Variants in NUS1 observed in about 807,000 individuals in gnomAD.
The protein encoded by NUS1 is NUS1 dehydrodolichyl diphosphate synthase subunit, also known as dehydrodolichyl diphosphate synthase complex subunit NUS1.
For synonymous variants in NUS1, 135 were observed against 155.2 expected (o/e 0.87, Z 0.97); for missense variants, 292 against 382.9 (o/e 0.76, Z 1.98).
At chr6:117,702,973 T>C (rs1206785987) in intron 3 of NUS1, among the ~76,000 whole-genome samples, 2 of 152,176 alleles carry the variant, frequency 1.3e-5, no homozygotes, top group Non-Finnish European at 2.9e-5. Flanking sequence ...TCAGGTCTCA[T>C]ATGGAAACCA....
rs1773541554 is a variant in NUS1, at chr6:117,709,118, G to A, written c.*2103G>A. ...AGTCATTCCAGAACCTTCTCTTTAT[G>A]AGTTCACCTGCTAGTACAATCTCCA... On this transcript the variant is annotated 3_prime_UTR_variant, in exon 5 of 5. Transcript: ENST00000368494. The A allele has an allele frequency of 6.6e-6, 1 of 152,088 alleles. No individual in the cohort carries two copies. The highest frequency in any genetic ancestry group is 1.5e-5 in the Non-Finnish European group (1 of 67,972). The allele number at this position is 152,088 out of a possible 1,614,324, so 9.4% of individuals were successfully genotyped here.
At chr6:117,704,931 G>A (rs1240701225) in intron 4 of NUS1, among the ~76,000 whole-genome samples, 1 of 152,164 alleles carries the variant, frequency 6.6e-6, no homozygotes, top group Non-Finnish European at 1.5e-5. Flanking sequence ...TGAGTGAGAA[G>A]TCAAGGCTAA....
intron 1 of NUS1, among the ~76,000 whole-genome samples, chr6:117,686,278 C>T (rs1203387993): frequency 6.6e-6 from 1 of 151,826 alleles, no homozygotes; most frequent in African/African-American, 2.4e-5. Context: ...AAGCTCTAGT[C>T]CTAGTTTTTT....
chr6:117,694,668 T>C (rs1051101260), intron 3 of NUS1, among the ~76,000 whole-genome samples: 31 of 152,188 alleles, frequency 2.0e-4, no homozygotes, highest in Non-Finnish European at 3.4e-4. Flanking sequence ...TATAACTTTT[T>C]TTCTTCAGCT....
intron 3 of NUS1, among the ~76,000 whole-genome samples, chr6:117,699,155 A>G (rs906635600): frequency 7.3e-5 from 11 of 151,716 alleles, no homozygotes; most frequent in Non-Finnish European, 1.5e-4. Flanking sequence ...AGCTAGAGCA[A>G]TTAGACCAGA....
chr6:117,677,275 C>T (rs909316135), intron 1 of NUS1, among the ~76,000 whole-genome samples: 2 of 152,062 alleles, frequency 1.3e-5, no homozygotes, highest in African/African-American at 4.8e-5. Context: ...AGTAAAATTA[C>T]TATTGTGAGA....
chr6:117,701,978 G>T (rs1408275615), intron 3 of NUS1, among the ~76,000 whole-genome samples: 1 of 152,116 alleles, frequency 6.6e-6, no homozygotes, highest in Admixed American at 6.6e-5. Context: ...ATTGGAAACT[G>T]AATTTAAAGT....
At chr6:117,703,467 A>G (rs1773457512) in intron 3 of NUS1, 138 bp from the exon 4 acceptor site, 1 of 666,446 alleles carries the variant, frequency 1.5e-6, no homozygotes, top group Non-Finnish European at 2.7e-6. Flanking sequence ...AGACATACAG[A>G]TAAAACTTCT....
chr6:117,700,269 A>G (rs780661425), intron 3 of NUS1, among the ~76,000 whole-genome samples: 7 of 152,240 alleles, frequency 4.6e-5, no homozygotes, highest in Non-Finnish European at 1.0e-4. Flanking sequence ...ACTAGAATAC[A>G]TAAGGAGCTT....
chr6:117,701,020 A>G (rs565580555), intron 3 of NUS1, among the ~76,000 whole-genome samples: 151 of 150,270 alleles, frequency 1.0e-3, no homozygotes, highest in African/African-American at 3.4e-3. Flanking sequence ...AAAAAATTGA[A>G]TAAGATTTTT....
intron 4 of NUS1, among the ~76,000 whole-genome samples, chr6:117,706,308 A>G (rs1582478348): frequency 1.3e-5 from 2 of 152,102 alleles, no homozygotes; most frequent in African/African-American, 4.8e-5. Context: ...ATATTTCATC[A>G]TGTTTGGATG....
In NUS1 at chr6:117,706,973, C is replaced by T; in HGVS notation, c.840C>T (p.Ala280=). Reference sequence around the variant, plus strand: ...TCAGTTATGAGGACTTTTTCTCTGCCCTTCGTCAATATGCAGCCTGTGAAC... The same window carrying T: ...TCAGTTATGAGGACTTTTTCTCTGCTCTTCGTCAATATGCAGCCTGTGAAC... The part of the protein sequence containing the change: ...LNISYEDFFS[A]LRQYAACEQR... Residue 280 remains alanine (A), a synonymous_variant, in exon 5 of 5, where the codon GCC becomes GCT. Transcript: ENST00000368494. The T allele has an allele frequency of 6.2e-7, 1 of 1,612,868 alleles. No homozygotes were observed. Among genetic ancestry groups the T allele is most frequent in the African/African-American group, 1.3e-5 (1 of 74,950 alleles).
intron 1 of NUS1, among the ~76,000 whole-genome samples, chr6:117,684,439 A>C (rs1416609013): frequency 6.6e-6 from 1 of 152,216 alleles, no homozygotes; most frequent in Non-Finnish European, 1.5e-5. Flanking sequence ...ATCCAAGTTT[A>C]AATTACCATT....
At chr6:117,703,503 C>G in intron 3 of NUS1, 102 bp from the exon 4 acceptor site, 1 of 856,522 alleles carries the variant, frequency 1.2e-6, no homozygotes, top group Non-Finnish European at 1.9e-6. Context: ...TTTAAAGAAC[C>G]AATTTGATTA....
At chr6:117,698,105 C>T (rs184971316) in intron 3 of NUS1, among the ~76,000 whole-genome samples, 211 of 152,038 alleles carry the variant, frequency 1.4e-3, no homozygotes, top group African/African-American at 4.7e-3. Context: ...TTTACTGAAA[C>T]AAGTGGTAAT....
At chr6:117,700,583 C>T (rs1408852694) in intron 3 of NUS1, among the ~76,000 whole-genome samples, 1 of 152,158 alleles carries the variant, frequency 6.6e-6, no homozygotes, top group Non-Finnish European at 1.5e-5. Flanking sequence ...TCTCTAAAAA[C>T]TAAACATTGA....
chr6:117,688,010 A>G (rs1457154274), intron 1 of NUS1, among the ~76,000 whole-genome samples: 2 of 152,154 alleles, frequency 1.3e-5, no homozygotes. Flanking sequence ...GAGGGCCAGG[A>G]GTTAGAGACC....
chr6:117,699,560 A>G (rs1300646064), intron 3 of NUS1, among the ~76,000 whole-genome samples: 2 of 152,184 alleles, frequency 1.3e-5, no homozygotes, highest in Non-Finnish European at 2.9e-5. Flanking sequence ...TAAAACGTCC[A>G]TAGTACCCAA....
Position 117,676,048 on chromosome 6 carries a change from C to T in NUS1, c.378C>T (p.Ala126=), listed in dbSNP as rs774571642. 11 of 1,550,406 alleles carry T rather than the reference C, an allele frequency of 7.1e-6. No homozygotes were observed. Among genetic ancestry groups the T allele is most frequent in the Non-Finnish European group, 9.6e-6 (11 of 1,147,194 alleles). The part of the protein sequence containing the change: ...DIASLVVWCM[A]VGISYISVYD... Reference sequence around the variant, plus strand: ...CGAGCCTCGTGGTGTGGTGTATGGCCGTGGGCATCTCCTACATTAGCGTCT... The same window carrying T: ...CGAGCCTCGTGGTGTGGTGTATGGCTGTGGGCATCTCCTACATTAGCGTCT... Residue 126 remains alanine (A), a synonymous_variant, in exon 1 of 5, where the codon GCC becomes GCT. Transcript: ENST00000368494.
Sources: allele counts gnomAD v4.1 joint callset (sites outside exome capture counted in the v4.1 genomes callset), GRCh38; gene constraint gnomAD v4.1.1; transcripts MANE v1.5; gene names NCBI Gene and HGNC (gene_info 2026-07-23, HGNC 2026-07-21).